The following ENTPD5 variants were observed in gnomAD, a reference collection of about 807,000 sequenced individuals.
ENTPD5 encodes nucleoside diphosphate phosphatase ENTPD5.
Under a neutral mutation model 60.2 loss-of-function variants are expected in ENTPD5, and 49 were observed. The ratio of observed to expected loss-of-function variants is 0.81; its 90% CI spans 0.65 to 1.03. The LOEUF (loss-of-function observed/expected upper bound fraction) is 1.03. Ranked by LOEUF, ENTPD5 falls within the 50% of genes least tolerant of loss-of-function variation. The probability of loss-of-function intolerance (pLI) is 0.00; values close to 1 mark genes in which losing one functional copy is unlikely to be tolerated. For missense variants in ENTPD5, 480 were observed against 507.6 expected, an observed-to-expected ratio of 0.95 and a Z score of 0.52; for synonymous variants, 187 against 185.4, an observed-to-expected ratio of 1.01 and a Z score of -0.07.
In ENTPD5 at chr14:73,966,468, G is replaced by GTT. The variant is rs35835514; in HGVS notation, c.*458_*459dup. On this transcript the variant is annotated 3_prime_UTR_variant, in exon 16 of 16. Transcript: ENST00000334696. ...AATTATACATGGAAAGCAAAACCAG[G>GTT]TTTTTTTTTTTCTCTCTTTTTCAGG... 13 of 149,774 alleles carry GTT rather than the reference G, an allele frequency of 8.7e-5. No homozygotes were observed. The highest frequency in any genetic ancestry group is 9.8e-5 in the African/African-American group (4 of 40,716). The allele number at this position is 149,774 out of a possible 1,614,324, so 9.3% of individuals were successfully genotyped here. A position where few individuals can be genotyped will look rare whatever the true frequency, so the allele number is the denominator to read the frequency against.
chr14:73,959,025 G>A (rs1206872752), downstream of ENTPD5: 1 of 1,614,190 alleles, frequency 6.2e-7, no homozygotes, highest in Non-Finnish European at 8.5e-7. Context: ...AATCCAGAAT[G>A]TGAGCTGGAA....
intron 2 of ENTPD5, among the ~76,000 whole-genome samples, chr14:74,014,386 C>CA (rs2058947387): frequency 6.7e-6 from 1 of 149,124 alleles, no homozygotes; most frequent in African/African-American, 2.5e-5. Flanking sequence ...TTACTCCCCC[C>CA]CCCCACAAAA....
chr14:73,972,829 C>T (rs776449749), intron 13 of ENTPD5, 55 bp downstream of exon 13: 25 of 1,586,706 alleles, frequency 1.6e-5, no homozygotes, highest in Non-Finnish European at 2.0e-5. Flanking sequence ...CTTGACCTTC[C>T]CCACCACAGC....
chr14:73,974,378 T>C (rs1481280019), intron 11 of ENTPD5, among the ~76,000 whole-genome samples: 2 of 152,214 alleles, frequency 1.3e-5, no homozygotes, highest in Non-Finnish European at 2.9e-5. Flanking sequence ...TTTTGTATAC[T>C]CTGAAATGCA....
downstream of ENTPD5, chr14:73,960,776 T>G: frequency 2.6e-6 from 1 of 391,928 alleles, no homozygotes; most frequent in Admixed American, 4.0e-5. Context: ...ACTGGAGGAG[T>G]TAAAAAGAGG....
intron 3 of ENTPD5, among the ~76,000 whole-genome samples, chr14:74,008,575 T>C (rs951302393): frequency 1.3e-5 from 2 of 151,912 alleles, no homozygotes; most frequent in African/African-American, 4.8e-5. Context: ...TTGTGTATTT[T>C]TAGTAGAGAC....
intron 9 of ENTPD5, 73 bp downstream of exon 9, chr14:73,976,251 G>C: frequency 7.6e-7 from 1 of 1,310,194 alleles, no homozygotes. Flanking sequence ...GCTGAAAATG[G>C]GGCGCCTCTT....
downstream of ENTPD5, chr14:73,958,524 CAG>C (rs1427255293): frequency 3.7e-6 from 5 of 1,337,928 alleles, no homozygotes; most frequent in African/African-American, 7.4e-5. Flanking sequence ...GGACAGGCAC[CAG>C]AGTGTTGGGA....
At chr14:73,956,034 T>C, downstream of ENTPD5, 1 of 1,537,664 alleles carries the variant, frequency 6.5e-7, no homozygotes, top group East Asian at 2.3e-5. Flanking sequence ...CATAAAGAAA[T>C]CCTCTGATGG....
chr14:73,979,012 C>T (rs964580241), intron 6 of ENTPD5, among the ~76,000 whole-genome samples: 7 of 151,944 alleles, frequency 4.6e-5, no homozygotes, highest in African/African-American at 1.7e-4. Context: ...GTTACCGCCT[C>T]CTTACCTCTC....
chr14:73,990,155 A>G (rs1222159550), intron 3 of ENTPD5, among the ~76,000 whole-genome samples: 1 of 152,142 alleles, frequency 6.6e-6, no homozygotes, highest in African/African-American at 2.4e-5. Flanking sequence ...ATTGCACTCC[A>G]GCCTGGGTGA....
rs1013206868 is a variant in ENTPD5 at position 73,983,357 on chromosome 14, T to G, written c.298-196A>C. On this transcript the variant is annotated intron_variant, in intron 5 of 15. Transcript: ENST00000334696. ...AATCCAGGCCAGGCGCAGTGGTGTC[T>G]CACACCTGTAATCCCAGAACTTTGG... Among the ~76,000 whole-genome samples, 4 of 152,128 alleles carry G rather than the reference T, an allele frequency of 2.6e-5. No individual in the cohort carries two copies. In the East Asian group the frequency reaches 5.8e-4, roughly 22 times the overall value.
intron 3 of ENTPD5, among the ~76,000 whole-genome samples, chr14:73,995,460 C>T (rs961601107): frequency 1.3e-5 from 2 of 151,916 alleles, no homozygotes; most frequent in African/African-American, 4.8e-5. Context: ...AACAATAATA[C>T]AGTAACTCAG....
In ENTPD5 at chr14:73,967,140, C is replaced by T. The variant is rs2057009669; in HGVS notation, c.1201-126G>A. 5.6e-6 allele frequency: 4 copies of T among 720,684 alleles called. 1 individual carries two copies. Among genetic ancestry groups the T allele is most frequent in the South Asian group, 3.5e-5 (2 of 56,920 alleles). The allele number at this position is 720,684 out of a possible 1,614,324, so 44.6% of individuals were successfully genotyped here. A position where few individuals can be genotyped will look rare whatever the true frequency, so the allele number is the denominator to read the frequency against. ...CAAACCAAGGCAAAACGGACAGAAG[C>T]CAGTCTTTGCAGGCTTCCCACTACT... On this transcript the variant is annotated intron_variant, in intron 15 of 15. Coordinates refer to ENST00000334696, the MANE Select transcript of ENTPD5 (RefSeq NM_001249.5).
intron 4 of ENTPD5, 103 bp from the exon 5 acceptor site, chr14:73,986,996 T>G: frequency 2.3e-6 from 2 of 852,744 alleles, no homozygotes; most frequent in Non-Finnish European, 4.0e-6. Flanking sequence ...ATGACTTCCC[T>G]GAAGTTATCC....
intron 3 of ENTPD5, among the ~76,000 whole-genome samples, chr14:73,991,512 C>T (rs1347139478): frequency 4.7e-5 from 7 of 148,328 alleles, no homozygotes; most frequent in East Asian, 2.1e-4. Context: ...CACTTGAACC[C>T]GGGAGGCGGA....
In ENTPD5 at chr14:73,964,545, G is replaced by A. The variant is rs1402053474; in HGVS notation, c.*2383C>T. On this transcript the variant is annotated 3_prime_UTR_variant, in exon 16 of 16. Coordinates refer to ENST00000334696, the MANE Select transcript of ENTPD5 (RefSeq NM_001249.5). ...GGACAGTATGTGTGTTTTACAAAAT[G>A]GCCCCCACAGTGATTAAAGACCAGA... The A allele has an allele frequency of 1.3e-5, 2 of 152,102 alleles. No individual in the cohort carries two copies. The highest frequency in any genetic ancestry group is 2.9e-5 in the Non-Finnish European group (2 of 68,028). 9.4% of individuals were successfully genotyped at this position (152,102 alleles called of 1,614,324 possible). A position where few individuals can be genotyped will look rare whatever the true frequency, so the allele number is the denominator to read the frequency against.
downstream of ENTPD5, chr14:73,961,591 G>A (rs1220118843): frequency 6.2e-7 from 1 of 1,612,506 alleles, no homozygotes; most frequent in South Asian, 1.1e-5. Flanking sequence ...AGATACTATG[G>A]GGAAGTATCC....
At chr14:73,976,456 C>A (rs2057449129) in intron 8 of ENTPD5, 44 bp from the exon 9 acceptor site, 1 of 1,462,566 alleles carries the variant, frequency 6.8e-7, no homozygotes, top group Non-Finnish European at 9.6e-7. Context: ...ACATCCTGGG[C>A]AGCCCAACAC....
Sources: allele counts gnomAD v4.1 joint callset (sites outside exome capture counted in the v4.1 genomes callset), GRCh38; gene constraint gnomAD v4.1.1; transcripts MANE v1.5; gene names NCBI Gene and HGNC (gene_info 2026-07-23, HGNC 2026-07-21).